BCAS3: variants seen among roughly 807,000 people sequenced by gnomAD.
BCAS3 encodes the protein BCAS3 microtubule associated cell migration factor.
A neutral mutation model predicts 116.1 loss-of-function variants in BCAS3; 53 were observed. That is an observed-to-expected ratio of 0.46 (90% confidence interval 0.37 to 0.57). BCAS3 has a LOEUF of 0.57. Among genes scored for constraint, BCAS3 ranks in the 20% least tolerant of loss-of-function variants. The pLI, the probability that BCAS3 is intolerant of heterozygous loss-of-function variation, is 0.00. For synonymous variants in BCAS3, 391 were observed against 408.2 expected, an observed-to-expected ratio of 0.96 and a Z score of 0.51; for missense variants, 917 against 1,165.4, an observed-to-expected ratio of 0.79 and a Z score of 3.10.
rs541483629 is a variant in BCAS3, at chr17:61,370,533, C to T, written c.2593+2039C>T. On this transcript the variant is annotated intron_variant, in intron 23 of 23. Transcript: ENST00000407086. ...CCTCCTGAGTAGCTATGATTACAGG[C>T]GCCCGCTACCACGCCCAGCTAATTT... Among the ~76,000 whole-genome samples, 9 of 152,210 alleles carry T rather than the reference C, an allele frequency of 5.9e-5. No individual in the cohort carries two copies. In the South Asian group the frequency reaches 1.9e-3, roughly 32 times the overall value.
intron 6 of BCAS3, among the ~76,000 whole-genome samples, chr17:60,753,508 C>T (rs1448683014): frequency 6.6e-6 from 1 of 151,744 alleles, no homozygotes; most frequent in African/African-American, 2.4e-5. Context: ...CTCCCGGGTT[C>T]CCGCCATTCT....
rs73324834 is a variant in BCAS3, at chr17:61,048,164, G to T, written c.2029+7272G>T. ...ATGTTTCAATTTGATCTCAAATTTT[G>T]GGGAGATTTAGTGTTCTCTCAGTTT... On this transcript the variant is annotated intron_variant, in intron 19 of 23. Transcript: ENST00000407086. Among the ~76,000 whole-genome samples, 83 of 152,034 alleles carry T rather than the reference G, an allele frequency of 5.5e-4. 2 individuals are homozygous for T. Among genetic ancestry groups the T allele is most frequent in the African/African-American group, 1.9e-3 (77 of 41,528 alleles).
At chr17:60,887,471 C>T (rs1567795334) in intron 9 of BCAS3, 1 of 152,578 alleles carries the variant, frequency 6.6e-6, no homozygotes, top group Non-Finnish European at 1.5e-5. Flanking sequence ...CATCTTGGCT[C>T]CTCAATTGTT....
At chr17:60,851,666 C>G (rs2053181843) in intron 7 of BCAS3, 2 of 763,058 alleles carry the variant, frequency 2.6e-6, no homozygotes, top group Non-Finnish European at 4.8e-6. Flanking sequence ...GAAGATTTAC[C>G]TGCAGAAAAG....
intron 15 of BCAS3, among the ~76,000 whole-genome samples, chr17:60,991,249 T>C (rs2063506207): frequency 6.6e-6 from 1 of 152,238 alleles, no homozygotes; most frequent in Admixed American, 6.5e-5. Context: ...AACATTATAT[T>C]TGTGAGATTC....
chr17:60,951,974 G>T (rs1459431685), intron 14 of BCAS3, among the ~76,000 whole-genome samples: 3 of 151,856 alleles, frequency 2.0e-5, no homozygotes, highest in Non-Finnish European at 4.4e-5. Flanking sequence ...GTTTCACCAT[G>T]TTGGCCAGGC....
At chr17:60,808,879 A>G (rs73318607) in intron 7 of BCAS3, among the ~76,000 whole-genome samples, 6,132 of 152,296 alleles carry the variant, frequency 0.04, 465 homozygotes, top group African/African-American at 0.14. Context: ...AAGGAGCAGC[A>G]TAGGTTAGAT....
intron 10 of BCAS3, among the ~76,000 whole-genome samples, chr17:60,899,352 A>C (rs2057722717): frequency 6.6e-6 from 1 of 151,896 alleles, no homozygotes; most frequent in South Asian, 2.1e-4. Flanking sequence ...CTTAGTGGCA[A>C]CTCATGCCTG....
intron 5 of BCAS3, chr17:60,727,518 A>G (rs981019566): frequency 7.1e-5 from 98 of 1,389,444 alleles, no homozygotes; most frequent in Non-Finnish European, 3.5e-5. Flanking sequence ...TGTGATGAAA[A>G]CGAGAAATGG....
rs907833184 is a variant in BCAS3, at chr17:61,324,678, C to T, written c.2426-43649C>T. Among the ~76,000 whole-genome samples the T allele has an allele frequency of 2.0e-5, 3 of 152,154 alleles. No individual in the cohort carries two copies. Among genetic ancestry groups the T allele is most frequent in the Admixed American group, 2.0e-4 (3 of 15,270 alleles). On this transcript the variant is annotated intron_variant, in intron 22 of 23. Coordinates refer to ENST00000407086, the MANE Select transcript of BCAS3 (RefSeq NM_017679.5). This position sits in a 1 kb window ranked among gnomAD's most constrained non-coding sequence, Gnocchi z 4.6. ...TTTGACCTTGGCTGAGTCATTTCCT[C>T]TCCCTCATCTCATTTGCCTTGTTTA...
intron 7 of BCAS3, among the ~76,000 whole-genome samples, chr17:60,846,237 A>G (rs2052522902): frequency 6.6e-6 from 1 of 151,918 alleles, no homozygotes; most frequent in Non-Finnish European, 1.5e-5. Context: ...GCCCCATTCT[A>G]CTTCTTTATC....
rs927069893 is a variant in BCAS3 at position 61,363,074 on chromosome 17, G to A, written c.2426-5253G>A. ...TCATTATGGAGGAATTCATGCCCTC[G>A]GGAGCTTCTAAACTAGTTAGAAAAG... On this transcript the variant is annotated intron_variant, in intron 22 of 23. Coordinates refer to ENST00000407086, the MANE Select transcript of BCAS3 (RefSeq NM_017679.5). The surrounding 1 kb of genome is among the most constrained non-coding windows in gnomAD (Gnocchi z 4.9). Among the ~76,000 whole-genome samples, 19 of 152,126 alleles carry A rather than the reference G, an allele frequency of 1.2e-4. No individual in the cohort carries two copies. The highest frequency in any genetic ancestry group is 1.0e-3 in the Admixed American group (16 of 15,266).
chr17:60,803,803 T>C (rs1028207033), intron 6 of BCAS3, among the ~76,000 whole-genome samples: 4 of 144,652 alleles, frequency 2.8e-5, no homozygotes, highest in African/African-American at 1.0e-4. Context: ...ACGATTTTTT[T>C]TTTTTTTTTT....
chr17:60,741,626 G>A (rs2041556328), intron 5 of BCAS3, among the ~76,000 whole-genome samples: 1 of 152,006 alleles, frequency 6.6e-6, no homozygotes, highest in Non-Finnish European at 1.5e-5. Context: ...CATATCCATT[G>A]GAGACTGATT....
At chr17:60,966,889 A>T (rs1256770331) in intron 14 of BCAS3, among the ~76,000 whole-genome samples, 2 of 152,068 alleles carry the variant, frequency 1.3e-5, no homozygotes, top group African/African-American at 4.8e-5. Context: ...TCCTGACCTC[A>T]AATGATCTGC....
At chr17:60,701,805 CAAAA>C (rs71370178) in intron 4 of BCAS3, among the ~76,000 whole-genome samples, 17 of 77,086 alleles carry the variant, frequency 2.2e-4, no homozygotes, top group African/African-American at 8.7e-4. Context: ...ACTAAAAATA[CAAAA>C]AAAAAAAAAA....
intron 14 of BCAS3, among the ~76,000 whole-genome samples, chr17:60,958,599 T>C (rs1358534734): frequency 6.6e-6 from 1 of 152,208 alleles, no homozygotes; most frequent in Non-Finnish European, 1.5e-5. Context: ...CTTACCATCA[T>C]TAAAATGTCA....
At chr17:61,047,621 C>T (rs2068469542) in intron 19 of BCAS3, among the ~76,000 whole-genome samples, 1 of 151,996 alleles carries the variant, frequency 6.6e-6, no homozygotes. Flanking sequence ...TGCCTTCCAA[C>T]ACAGGCATTA....
chr17:61,048,634 G>T (rs180779491), intron 19 of BCAS3, among the ~76,000 whole-genome samples: 2 of 151,910 alleles, frequency 1.3e-5, no homozygotes, highest in Admixed American at 1.3e-4. Flanking sequence ...ACTGAGTTGA[G>T]TAACAGTAAC....
Sources: gnomAD v4.1 joint callset for allele counts (sites outside exome capture counted in the v4.1 genomes callset) on GRCh38, gnomAD v4.1.1 for gene constraint, Gnocchi (gnomAD v3.1) non-coding constraint, MANE v1.5 for transcripts, NCBI Gene and HGNC (gene_info 2026-07-23, HGNC 2026-07-21) for gene names.